Variants in LINGO2 observed in about 807,000 individuals in gnomAD.
The protein encoded by LINGO2 is leucine-rich repeat and immunoglobulin-like domain-containing nogo receptor-interacting protein 2.
Under a neutral mutation model 30.6 loss-of-function variants are expected in LINGO2, and 14 were observed. The observed-to-expected ratio is 0.46, with a 90% CI of 0.30 to 0.72. The LOEUF (loss-of-function observed/expected upper bound fraction) is 0.72. LINGO2 is among the 30% of genes least tolerant of loss of function. The pLI is 0.07. For synonymous variants in LINGO2, 317 were observed against 288.5 expected, an observed-to-expected ratio of 1.10 and a Z score of -1.00; for missense variants, 729 against 751.7, an observed-to-expected ratio of 0.97 and a Z score of 0.35.
chr9:28,040,716 T>C (rs1232853481), intron 4 of LINGO2, among the ~76,000 whole-genome samples: 1 of 152,144 alleles, frequency 6.6e-6, no homozygotes, highest in Non-Finnish European at 1.5e-5. Context: ...AAGGAAGCTT[T>C]ATTATTCCTG....
chr9:28,885,352 T>C, the LINGO2 span, among the ~76,000 whole-genome samples: 5 of 17,952 alleles, frequency 2.8e-4, no homozygotes, highest in African/African-American at 6.6e-4. Flanking sequence ...CAGGGAGATA[T>C]ATATATATAC....
At chr9:28,838,327 T>C in the LINGO2 span, among the ~76,000 whole-genome samples, 1 of 152,174 alleles carries the variant, frequency 6.6e-6, no homozygotes, top group Non-Finnish European at 1.5e-5. Context: ...AGAAAGTAAA[T>C]AAGTATAGTT....
intron 1 of LINGO2, among the ~76,000 whole-genome samples, chr9:28,606,657 T>C (rs187433695): frequency 1.3e-5 from 2 of 152,180 alleles, no homozygotes; most frequent in Non-Finnish European, 2.9e-5. Context: ...AAACAAGATA[T>C]ATTGTTCAGC....
At chr9:29,034,424 G>A in the LINGO2 span, among the ~76,000 whole-genome samples, 3,312 of 151,924 alleles carry the variant, frequency 0.022, 118 homozygotes, top group African/African-American at 0.074. Context: ...AACATATTGC[G>A]TGACCTTGGA....
At chr9:28,385,104 C>G (rs895039972) in intron 2 of LINGO2, among the ~76,000 whole-genome samples, 2 of 152,128 alleles carry the variant, frequency 1.3e-5, no homozygotes, top group Admixed American at 6.6e-5. Flanking sequence ...AAAGGTGTAG[C>G]TCTAAGTTCT....
At chr9:29,082,185 A>G in the LINGO2 span, among the ~76,000 whole-genome samples, 1 of 152,162 alleles carries the variant, frequency 6.6e-6, no homozygotes, top group African/African-American at 2.4e-5. Context: ...ACTATACTAC[A>G]AGGCTACAGT....
At chr9:28,149,333 G>A (rs544025361) in intron 4 of LINGO2, 49 of 529,054 alleles carry the variant, frequency 9.3e-5, no homozygotes, top group Middle Eastern at 5.2e-4. Flanking sequence ...AGTGAGGAGC[G>A]CCTCTGCCCG....
the LINGO2 span, among the ~76,000 whole-genome samples, chr9:29,127,421 C>G: frequency 6.6e-6 from 1 of 151,998 alleles, no homozygotes; most frequent in African/African-American, 2.4e-5. Context: ...CCCTTTTTCT[C>G]TCTGCTCCAT....
the LINGO2 span, among the ~76,000 whole-genome samples, chr9:29,186,302 T>C: frequency 1.4e-5 from 2 of 142,978 alleles, no homozygotes; most frequent in Non-Finnish European, 3.1e-5. Flanking sequence ...TTGTCAATGC[T>C]GCAATTTATG....
At chr9:28,989,929 G>C in the LINGO2 span, among the ~76,000 whole-genome samples, 2 of 152,314 alleles carry the variant, frequency 1.3e-5, no homozygotes, top group Admixed American at 1.3e-4. Flanking sequence ...TGGCAGAATA[G>C]GAACAGCTCC....
chr9:28,964,885 C>T, the LINGO2 span, among the ~76,000 whole-genome samples: 1 of 151,858 alleles, frequency 6.6e-6, no homozygotes. Flanking sequence ...GGGAAGGAAG[C>T]AACTAGGAAG....
chr9:28,598,436 A>AGAC (rs1554643697), intron 1 of LINGO2, among the ~76,000 whole-genome samples: 1 of 127,974 alleles, frequency 7.8e-6, no homozygotes, highest in Admixed American at 9.6e-5. Flanking sequence ...AAAAAAAAAC[A>AGAC]AAACAAACAA....
At position 28,558,022 on chromosome 9, in the gene LINGO2, G is replaced by A. The variant is rs565494786; in HGVS notation, c.-364-81997C>T. On this transcript the variant is annotated intron_variant, in intron 1 of 5. Coordinates refer to ENST00000379992, the Ensembl canonical transcript of LINGO2. ...GGGGTGGGGGGAGGGGGGAGGGATA[G>A]CATTGGGAGATATACCTAATGCTAG... Among the ~76,000 whole-genome samples the A allele has an allele frequency of 7.4e-5, 11 of 148,170 alleles. No individual in the cohort carries two copies. The South Asian group carries it at 2.2e-3, about 30-fold the overall frequency.
the LINGO2 span, among the ~76,000 whole-genome samples, chr9:28,710,952 G>C: frequency 6.7e-6 from 1 of 148,786 alleles, no homozygotes; most frequent in African/African-American, 2.5e-5. Flanking sequence ...CTGGGTAGAG[G>C]GCCTCAAGGA....
chr9:28,384,329 C>CTATATATA lies in LINGO2; in HGVS notation c.-278-11469_-278-11462dup, dbSNP rs3064858. Among the ~76,000 whole-genome samples, 49 of 123,362 alleles carry CTATATATA rather than the reference C, an allele frequency of 4.0e-4. 1 individual carries two copies. Among genetic ancestry groups the CTATATATA allele is most frequent in the East Asian group, 2.9e-3 (12 of 4,176 alleles). 80.9% of individuals were successfully genotyped at this position (123,362 alleles called of 152,430 possible). A position where few individuals can be genotyped will look rare whatever the true frequency, so the allele number is the denominator to read the frequency against. The stretch of plus-strand genomic sequence containing the variant: ...ACTCCCTTCTTTTCCATGTTATGCA[C>CTATATATA]TATATATATATATATATATATGCCT... On this transcript the variant is annotated intron_variant, in intron 2 of 5. Coordinates refer to ENST00000379992, the Ensembl canonical transcript of LINGO2.
intron 2 of LINGO2, among the ~76,000 whole-genome samples, chr9:28,397,328 G>A (rs566996888): frequency 2.1e-4 from 31 of 147,032 alleles, no homozygotes; most frequent in African/African-American, 7.7e-4. Flanking sequence ...AAAATTGTAT[G>A]TATTGTGTAT....
intron 5 of LINGO2, among the ~76,000 whole-genome samples, chr9:28,006,893 C>T (rs1822293366): frequency 6.6e-6 from 1 of 151,084 alleles, no homozygotes; most frequent in Admixed American, 6.7e-5. Context: ...TAGAGAGCAG[C>T]TAATCCACAT....
At chr9:28,098,387 T>A (rs1826311612) in intron 4 of LINGO2, among the ~76,000 whole-genome samples, 1 of 152,188 alleles carries the variant, frequency 6.6e-6, no homozygotes, top group Non-Finnish European at 1.5e-5. Context: ...GTGAATTGTA[T>A]AATATGTGAA....
the LINGO2 span, among the ~76,000 whole-genome samples, chr9:29,140,339 G>C: frequency 6.6e-6 from 1 of 151,784 alleles, no homozygotes; most frequent in Non-Finnish European, 1.5e-5. Context: ...AATACCAACA[G>C]AGATAAGAAA....
Sources: gnomAD v4.1 joint callset for allele counts (sites outside exome capture counted in the v4.1 genomes callset) on GRCh38, gnomAD v4.1.1 for gene constraint, MANE v1.5 for transcripts, NCBI Gene and HGNC (gene_info 2026-07-23, HGNC 2026-07-21) for gene names.